Variants in CCDC88C observed in about 807,000 individuals in gnomAD.
CCDC88C encodes coiled-coil and HOOK domain protein 88C.
Under a neutral mutation model 198.8 loss-of-function variants are expected in CCDC88C, and 131 were observed. That is an observed-to-expected ratio of 0.66 (90% CI 0.57 to 0.76). The LOEUF is 0.76. Ranked by LOEUF, CCDC88C falls within the 30% of genes least tolerant of loss-of-function variation. CCDC88C has a pLI of 0.00. For synonymous variants in CCDC88C, 1,166 were observed against 1,114.7 expected (o/e 1.05, Z -0.92); for missense variants, 2,553 against 2,631.6 (o/e 0.97, Z 0.65).
Position 91,339,105 on chromosome 14 carries a change from A to C in CCDC88C, c.809+173T>G. ...CCGCCCCCATCCCTGTGCAGGCCTC[A>C]GAAGGGGAGGCAGCTAGTCCGAGGT... On this transcript the variant is annotated intron_variant, in intron 8 of 29. Coordinates refer to ENST00000389857, the MANE Select transcript of CCDC88C (RefSeq NM_001080414.4). This position sits in a 1 kb window ranked among gnomAD's most constrained non-coding sequence, Gnocchi z 5.8. 1 of 755,756 alleles carries C rather than the reference A, an allele frequency of 1.3e-6. No homozygotes were observed. Among genetic ancestry groups the C allele is most frequent in the Non-Finnish European group, 2.3e-6 (1 of 438,042 alleles). 46.8% of individuals were successfully genotyped at this position (755,756 alleles called of 1,614,324 possible).
At position 91,417,679 on chromosome 14, in the gene CCDC88C, T is replaced by C. The variant is rs1257359165; in HGVS notation, c.12A>G (p.Thr4=). The C allele has an allele frequency of 7.6e-6, 12 of 1,575,372 alleles. 1 individual carries two copies. Among genetic ancestry groups the C allele is most frequent in the East Asian group, 2.4e-5 (1 of 41,180 alleles). ...GGAAGAGCTCCAGGAGCTCCGAGAC[T>C]GTCACGTCCATGCTGAGGCTGCGCC... The part of the protein sequence containing the change: MDV[T]VSELLELFLQ... Residue 4 remains threonine, a synonymous_variant, in exon 1 of 30, where the codon ACA becomes ACG. Coordinates refer to ENST00000389857, the MANE Select transcript of CCDC88C (RefSeq NM_001080414.4).
Position 91,272,358 on chromosome 14 carries a change from G to T in CCDC88C, c.*267C>A. On this transcript the variant is annotated 3_prime_UTR_variant, in exon 30 of 30. Transcript: ENST00000389857. The stretch of plus-strand genomic sequence containing the variant: ...TCAGTTTGTCATTGCATCCTAATTG[G>T]TCCCCATGCTGACGTGGATTATTTG... 2.0e-6 allele frequency: 1 copy of T among 494,692 alleles called. No homozygotes were observed. 30.6% of individuals were successfully genotyped at this position (494,692 alleles called of 1,614,324 possible).
chr14:91,369,006 A>G (rs1452070832), intron 3 of CCDC88C, among the ~76,000 whole-genome samples: 2 of 152,190 alleles, frequency 1.3e-5, no homozygotes, highest in Non-Finnish European at 2.9e-5. Flanking sequence ...TGGCCAGGAC[A>G]AGAATTATGA....
rs551646709 is a variant in CCDC88C, at chr14:91,351,931, C to T, written c.340+7711G>A. Among the ~76,000 whole-genome samples the T allele has an allele frequency of 6.0e-4, 91 of 152,302 alleles. 1 individual carries two copies. The highest frequency in any genetic ancestry group is 2.1e-3 in the African/African-American group (88 of 41,572). On this transcript the variant is annotated intron_variant, in intron 4 of 29. Transcript: ENST00000389857. ...GACCTCCTACCCCACCTGCCTGCCA[C>T]GCCTGCAGAAGCTGAGAGCGAATTC... is the stretch of plus-strand genomic sequence containing the variant.
intron 27 of CCDC88C, chr14:91,279,942 T>C (rs1890131223): frequency 6.6e-6 from 1 of 152,256 alleles, no homozygotes; most frequent in South Asian, 2.1e-4. Flanking sequence ...AATCAAGGTT[T>C]ATGGTGCTGA....
At chr14:91,303,639 G>T in intron 20 of CCDC88C, 62 bp downstream of exon 20, 1 of 1,442,106 alleles carries the variant, frequency 6.9e-7, no homozygotes, top group South Asian at 1.4e-5. Context: ...CTTTCCCCCT[G>T]GGCCCAGCCT....
chr14:91,397,063 T>C (rs765495192), intron 3 of CCDC88C, among the ~76,000 whole-genome samples: 6 of 152,040 alleles, frequency 3.9e-5, no homozygotes, highest in Non-Finnish European at 7.4e-5. Flanking sequence ...AAATCAATAC[T>C]TGACATGGTA....
At chr14:91,375,254 C>G (rs150792653) in intron 3 of CCDC88C, among the ~76,000 whole-genome samples, 1 of 152,014 alleles carries the variant, frequency 6.6e-6, no homozygotes, top group Non-Finnish European at 1.5e-5. Flanking sequence ...AGCATGCGCG[C>G]GTGTCTGTGT....
intron 3 of CCDC88C, among the ~76,000 whole-genome samples, chr14:91,365,392 C>T (rs938537796): frequency 1.4e-4 from 21 of 152,224 alleles, no homozygotes; most frequent in Non-Finnish European, 2.2e-4. Context: ...TGGCCCCTCA[C>T]GCCCCACATG....
In CCDC88C at chr14:91,316,722, T is replaced by C. The variant is rs539807555; in HGVS notation, c.1528-935A>G. ...CCACTGTGCCCGGCCAACCCTTGCA[T>C]TTCTGATTGCTGTTGCTTCTGGTCT... On this transcript the variant is annotated intron_variant, in intron 13 of 29. Coordinates refer to ENST00000389857, the MANE Select transcript of CCDC88C (RefSeq NM_001080414.4). 1.5e-3 allele frequency among the ~76,000 whole-genome samples: 222 copies of C among 152,296 alleles called. 2 individuals carry two copies. Among genetic ancestry groups the C allele is most frequent in the African/African-American group, 5.2e-3 (217 of 41,552 alleles).
chr14:91,339,894 T>C lies in CCDC88C; in HGVS notation c.614A>G (p.Glu205Gly), dbSNP rs1294630034. Residue 205 changes from glutamate (E) to glycine (G), a missense_variant, in exon 7 of 30, where the codon GAG becomes GGG. Transcript: ENST00000389857. The surrounding 1 kb of genome is among the most constrained non-coding windows in gnomAD (Gnocchi z 5.8). ...GACCCGCGGACGCACCTCGGTGCAC[T>C]CGTCCCGCTGGTCGATGAGCCTCCG... is the stretch of plus-strand genomic sequence containing the variant. The part of the protein sequence containing the change: ...HLRRLIDQRD[E>G]CTELIVDLTQ... 3.8e-6 allele frequency: 6 copies of C among 1,587,044 alleles called. No homozygotes were observed. Among genetic ancestry groups the C allele is most frequent in the Non-Finnish European group, 5.1e-6 (6 of 1,167,930 alleles).
chr14:91,388,117 C>A (rs1885255945), intron 3 of CCDC88C, among the ~76,000 whole-genome samples: 2 of 152,212 alleles, frequency 1.3e-5, no homozygotes, highest in Non-Finnish European at 1.5e-5. Context: ...CTGAAACCAT[C>A]CCCCTTAGAG....
chr14:91,373,493 C>G lies in CCDC88C; in HGVS notation c.271-13782G>C, dbSNP rs530773379. 1.4e-4 allele frequency among the ~76,000 whole-genome samples: 21 copies of G among 152,290 alleles called. No homozygotes were observed. In the East Asian group the frequency reaches 2.9e-3, roughly 21 times the overall value. ...ACTGTAATTACCCCTCCTTAGCCCCCACTCGCTCCTCCAAAAAAGCTTTCT... is the reference window on the plus strand; with the variant it reads ...ACTGTAATTACCCCTCCTTAGCCCCGACTCGCTCCTCCAAAAAAGCTTTCT... On this transcript the variant is annotated intron_variant, in intron 3 of 29. Transcript: ENST00000389857.
At chr14:91,384,432 G>A in intron 3 of CCDC88C, 1 of 521,692 alleles carries the variant, frequency 1.9e-6, no homozygotes, top group Non-Finnish European at 3.9e-6. Context: ...ACTGCTGCTT[G>A]CACTCTGTTG....
At chr14:91,403,588 A>G (rs896832558) in intron 3 of CCDC88C, among the ~76,000 whole-genome samples, 6 of 152,268 alleles carry the variant, frequency 3.9e-5, no homozygotes, top group Non-Finnish European at 8.8e-5. Context: ...GCTCTTAATG[A>G]AAAAAGTGAA....
intron 3 of CCDC88C, chr14:91,378,687 A>T (rs1884606323): frequency 6.6e-6 from 1 of 152,318 alleles, no homozygotes; most frequent in African/African-American, 2.4e-5. Flanking sequence ...CCTAGAGAGT[A>T]CAGTCATTGT....
intron 4 of CCDC88C, among the ~76,000 whole-genome samples, chr14:91,353,852 G>A (rs1893923362): frequency 1.3e-5 from 2 of 152,252 alleles, no homozygotes; most frequent in Non-Finnish European, 2.9e-5. Flanking sequence ...CATTCAGACA[G>A]GACCCTGTAG....
intron 3 of CCDC88C, among the ~76,000 whole-genome samples, chr14:91,395,405 A>G (rs1885784581): frequency 6.6e-6 from 1 of 152,164 alleles, no homozygotes; most frequent in African/African-American, 2.4e-5. Flanking sequence ...CCTGCTCTAC[A>G]GGTGAGGTTG....
intron 10 of CCDC88C, among the ~76,000 whole-genome samples, chr14:91,336,145 T>C (rs1893032431): frequency 1.3e-5 from 2 of 152,232 alleles, no homozygotes; most frequent in Non-Finnish European, 2.9e-5. Flanking sequence ...GAAAAATACT[T>C]GTCACTTCAC....
Sources: allele counts gnomAD v4.1 joint callset (sites outside exome capture counted in the v4.1 genomes callset), GRCh38; gene constraint gnomAD v4.1.1; non-coding constraint Gnocchi (gnomAD v3.1); transcripts MANE v1.5; gene names NCBI Gene and HGNC (gene_info 2026-07-23, HGNC 2026-07-21).